The following SLC44A5 variants were observed in gnomAD, a reference collection of about 807,000 sequenced individuals.
SLC44A5 encodes choline transporter-like protein 5.
A neutral mutation model predicts 101.8 loss-of-function variants in SLC44A5; 57 were observed. That is an observed-to-expected ratio of 0.56 (90% confidence interval 0.45 to 0.70). The LOEUF (loss-of-function observed/expected upper bound fraction) is 0.70. SLC44A5 is among the 30% of genes least tolerant of loss of function. The pLI is 0.00. For missense variants in SLC44A5, 737 were observed against 853.1 expected (o/e 0.86, Z 1.70); for synonymous variants, 281 against 290.9 (o/e 0.97, Z 0.35).
intron 7 of SLC44A5, among the ~76,000 whole-genome samples, chr1:75,249,489 G>T (rs112254149): frequency 6.5e-4 from 99 of 152,212 alleles, no homozygotes; most frequent in African/African-American, 2.2e-3. Flanking sequence ...TGGCCTGGAG[G>T]TTAAAGGACA....
At chr1:75,291,493 G>A (rs746921674) in intron 5 of SLC44A5, among the ~76,000 whole-genome samples, 8 of 152,116 alleles carry the variant, frequency 5.3e-5, no homozygotes, top group South Asian at 2.1e-4. Flanking sequence ...ATTCTGACAC[G>A]TGCTACAAAG....
intron 1 of SLC44A5, among the ~76,000 whole-genome samples, chr1:75,560,729 G>A (rs1672472308): frequency 6.6e-6 from 1 of 152,108 alleles, no homozygotes; most frequent in African/African-American, 2.4e-5. Flanking sequence ...TCCAGAGATG[G>A]AAGAAGCTCA....
chr1:75,511,756 A>G (rs777846792), intron 2 of SLC44A5, among the ~76,000 whole-genome samples: 4 of 152,190 alleles, frequency 2.6e-5, no homozygotes, highest in Non-Finnish European at 5.9e-5. Context: ...CATTTAATAA[A>G]TTATCTTTCC....
At chr1:75,250,447 G>C (rs1010000865) in intron 7 of SLC44A5, among the ~76,000 whole-genome samples, 32 of 152,064 alleles carry the variant, frequency 2.1e-4, no homozygotes, top group Non-Finnish European at 1.2e-4. Flanking sequence ...ATTGTGAATA[G>C]TGCTGCAGTG....
chr1:75,340,646 A>G (rs907334803), intron 3 of SLC44A5, among the ~76,000 whole-genome samples: 1 of 152,158 alleles, frequency 6.6e-6, no homozygotes, highest in Non-Finnish European at 1.5e-5. Flanking sequence ...AATCCACAGG[A>G]GTAGGTCTTT....
intron 4 of SLC44A5, chr1:75,311,605 A>G (rs1406161841): frequency 3.1e-6 from 3 of 981,670 alleles, no homozygotes; most frequent in East Asian, 2.3e-4. Flanking sequence ...TTTCATGATT[A>G]ATGAGGTACC....
intron 3 of SLC44A5, among the ~76,000 whole-genome samples, chr1:75,363,646 G>A (rs150968459): frequency 2.3e-4 from 35 of 152,106 alleles, no homozygotes; most frequent in African/African-American, 7.9e-4. Flanking sequence ...TATTGTACCT[G>A]TAGTTGTTGT....
chr1:75,256,726 G>A, intron 6 of SLC44A5, among the ~76,000 whole-genome samples: 1 of 152,096 alleles, frequency 6.6e-6, no homozygotes, highest in Non-Finnish European at 1.5e-5. Context: ...ATGGACAGAA[G>A]GGTAGGGGTG....
chr1:75,475,204 G>C (rs1473792196), intron 2 of SLC44A5, among the ~76,000 whole-genome samples: 1 of 152,200 alleles, frequency 6.6e-6, no homozygotes, highest in Admixed American at 6.5e-5. Flanking sequence ...CTAATAAGAA[G>C]AGTGGCCTTT....
chr1:75,641,958 T>A, the SLC44A5 span: 2 of 1,601,264 alleles, frequency 1.2e-6, no homozygotes, highest in Non-Finnish European at 1.7e-6. Flanking sequence ...CCAACCACAA[T>A]CTGCCTTTCT....
the SLC44A5 span, among the ~76,000 whole-genome samples, chr1:75,658,809 A>AACAAT: frequency 6.6e-6 from 1 of 152,118 alleles, no homozygotes; most frequent in Admixed American, 6.5e-5. Flanking sequence ...GAGACTCAAA[A>AACAAT]ACAATACAAA....
chr1:75,453,527 A>T (rs1456463249), intron 2 of SLC44A5, among the ~76,000 whole-genome samples: 1 of 152,112 alleles, frequency 6.6e-6, no homozygotes, highest in Non-Finnish European at 1.5e-5. Context: ...AAAAGAAATA[A>T]CTAAAATCAG....
chr1:75,679,292 CT>C, the SLC44A5 span, among the ~76,000 whole-genome samples: 1 of 152,124 alleles, frequency 6.6e-6, no homozygotes, highest in Non-Finnish European at 1.5e-5. Context: ...AGAAGAGCAA[CT>C]CCAAGACATG....
chr1:75,660,206 A>AG, the SLC44A5 span, among the ~76,000 whole-genome samples: 5 of 152,242 alleles, frequency 3.3e-5, no homozygotes, highest in African/African-American at 1.2e-4. Flanking sequence ...AGATTCTGTC[A>AG]GAAAAAAAAG....
intron 6 of SLC44A5, among the ~76,000 whole-genome samples, chr1:75,251,759 C>A (rs1649600545): frequency 6.6e-6 from 1 of 151,986 alleles, no homozygotes; most frequent in South Asian, 2.1e-4. Context: ...TTATGGATTT[C>A]ATAAAATAAA....
At chr1:75,351,238 A>C (rs1368946620) in intron 3 of SLC44A5, among the ~76,000 whole-genome samples, 1 of 152,096 alleles carries the variant, frequency 6.6e-6, no homozygotes, top group Non-Finnish European at 1.5e-5. Context: ...AGAAAGAGAC[A>C]TAATCATGGT....
At chr1:75,607,640 A>G (rs1675401256) in intron 1 of SLC44A5, among the ~76,000 whole-genome samples, 1 of 151,932 alleles carries the variant, frequency 6.6e-6, no homozygotes, top group Non-Finnish European at 1.5e-5. Flanking sequence ...ACCCAGTGGG[A>G]GGTAATTGAA....
chr1:75,449,459 T>A (rs1162999876), intron 2 of SLC44A5, among the ~76,000 whole-genome samples: 2 of 152,164 alleles, frequency 1.3e-5, no homozygotes, highest in Non-Finnish European at 2.9e-5. Flanking sequence ...CCAAGATAGT[T>A]AGCCTATGTG....
intron 2 of SLC44A5, among the ~76,000 whole-genome samples, chr1:75,475,080 C>T (rs949597553): frequency 1.3e-5 from 2 of 152,202 alleles, no homozygotes; most frequent in Non-Finnish European, 2.9e-5. Context: ...AATTCCATGT[C>T]CTTTACCACT....
Sources: gnomAD v4.1 joint callset for allele counts (sites outside exome capture counted in the v4.1 genomes callset) on GRCh38, gnomAD v4.1.1 for gene constraint, MANE v1.5 for transcripts, NCBI Gene and HGNC (gene_info 2026-07-23, HGNC 2026-07-21) for gene names.